The following KLC4 variants were observed in gnomAD, a reference collection of about 807,000 sequenced individuals.
KLC4 encodes the protein kinesin light chain 4.
In KLC4, 49 loss-of-function variants were observed where a neutral mutation model predicts 77.2. The observed-to-expected ratio is 0.63, with a 90% CI of 0.50 to 0.80. KLC4 has a LOEUF of 0.80. KLC4 is among the 30% of genes least tolerant of loss of function. KLC4 has a pLI of 0.00. For synonymous variants in KLC4, 274 were observed against 314.5 expected (o/e 0.87, Z 1.36); for missense variants, 669 against 793.5 (o/e 0.84, Z 1.89).
chr6:43,071,030 C>T (rs1464598655), intron 8 of KLC4, among the ~76,000 whole-genome samples, 165 bp downstream of exon 8: 1 of 151,920 alleles, frequency 6.6e-6, no homozygotes, highest in Non-Finnish European at 1.5e-5. Flanking sequence ...GCTGCCTTTG[C>T]GGATGAAGGA....
chr6:43,063,390 T>G (rs1023224692), intron 3 of KLC4, among the ~76,000 whole-genome samples: 5 of 152,218 alleles, frequency 3.3e-5, no homozygotes, highest in Non-Finnish European at 7.3e-5. Context: ...TGCACTGCAC[T>G]GGTGAATGGG....
At chr6:43,068,394 A>G (rs1451792790) in intron 6 of KLC4, among the ~76,000 whole-genome samples, 1 of 151,586 alleles carries the variant, frequency 6.6e-6, no homozygotes, top group African/African-American at 2.4e-5. Flanking sequence ...ATCACTCGAA[A>G]CCAGAAGGTG....
rs546498971 is a variant in KLC4, at chr6:43,065,354, G to A, written c.490-266G>A. ...CTCCCAAAGTGCTGGGATTACAGGC[G>A]TTAGCCACCACACCCGGCCAGGAAG... is the stretch of plus-strand genomic sequence containing the variant. On this transcript the variant is annotated intron_variant, in intron 3 of 15. Transcript: ENST00000347162. The A allele has an allele frequency of 3.3e-4, 121 of 365,204 alleles. 2 individuals carry two copies. Among genetic ancestry groups the A allele is most frequent in the South Asian group, 2.1e-3 (60 of 29,062 alleles). The allele number at this position is 365,204 out of a possible 1,614,324, so 22.6% of individuals were successfully genotyped here.
intron 8 of KLC4, 54 bp downstream of exon 8, chr6:43,070,919 TGGGGGGAGG>T: frequency 1.4e-5 from 1 of 70,402 alleles, no homozygotes; most frequent in Non-Finnish European, 2.4e-5. Context: ...GGCACAGAGG[TGGGGGGAGG>T]GGGGGCAGGC....
intron 1 of KLC4, chr6:43,060,116 C>T: frequency 1.3e-6 from 2 of 1,573,920 alleles, no homozygotes; most frequent in Non-Finnish European, 1.7e-6. Context: ...CAGCAGACCT[C>T]CCATTCTTTC....
At chr6:43,063,659 T>C (rs1288323630) in intron 3 of KLC4, among the ~76,000 whole-genome samples, 1 of 151,844 alleles carries the variant, frequency 6.6e-6, no homozygotes, top group African/African-American at 2.4e-5. Context: ...GTTCAAGCAA[T>C]TCTCCTGCCT....
Position 43,064,563 on chromosome 6 carries a change from C to T in KLC4, c.490-1057C>T, listed in dbSNP as rs536706238. ...ACAAAAAAATAGAGGAAGCAGGATA[C>T]AGGGATGGGTAGGATATAGGTTGGA... On this transcript the variant is annotated intron_variant, in intron 3 of 15. Transcript: ENST00000347162. Among the ~76,000 whole-genome samples, 30 of 152,248 alleles carry T rather than the reference C, an allele frequency of 2.0e-4. No individual in the cohort carries two copies. In the South Asian group the frequency reaches 6.0e-3, roughly 30 times the overall value.
intron 11 of KLC4, 70 bp downstream of exon 11, chr6:43,071,992 G>C (rs1765753600): frequency 6.7e-6 from 10 of 1,498,412 alleles, no homozygotes; most frequent in Non-Finnish European, 9.2e-6. Flanking sequence ...CAGCCTCCCA[G>C]ACCTTTTCCC....
At chr6:43,063,273 T>C in intron 3 of KLC4, 126 bp downstream of exon 3, 1 of 690,736 alleles carries the variant, frequency 1.4e-6, no homozygotes, top group Non-Finnish European at 2.4e-6. Flanking sequence ...CCTGAAAGAA[T>C]TCCTTTTTCA....
At chr6:43,065,587 C>G in intron 3 of KLC4, 33 bp from the exon 4 acceptor site, 1 of 1,499,808 alleles carries the variant, frequency 6.7e-7, no homozygotes, top group Admixed American at 1.7e-5. Flanking sequence ...GTAGGGATAT[C>G]TTGGCCCTTA....
In KLC4 at chr6:43,070,872, G is replaced by A. The variant is rs752367503; in HGVS notation, c.1155+7G>A. 1.7e-5 allele frequency: 24 copies of A among 1,381,472 alleles called. 2 individuals carry two copies. The South Asian group carries it at 2.3e-4, about 13-fold the overall frequency. 85.6% of individuals were successfully genotyped at this position (1,381,472 alleles called of 1,614,324 possible). On this transcript the variant is annotated splice_region_variant and intron_variant, in intron 8 of 15. Transcript: ENST00000347162. ...CCGGACCAAGAACAACCTGGTATGG[G>A]AGGAGGGACAAAGTAGGTGGAAGAA... is the stretch of plus-strand genomic sequence containing the variant.
chr6:43,060,429 C>A, intron 1 of KLC4: 1 of 1,459,576 alleles, frequency 6.9e-7, no homozygotes, highest in Admixed American at 2.1e-5. Flanking sequence ...GGGTGTTTGT[C>A]CTGGGTGGGG....
chr6:43,066,932 G>C, intron 5 of KLC4, 64 bp from the exon 6 acceptor site: 2 of 1,570,760 alleles, frequency 1.3e-6, no homozygotes, highest in South Asian at 2.3e-5. Flanking sequence ...CCTTCCAAAG[G>C]GAAGGAGGGA....
chr6:43,074,546 G>A (rs944373230), intron 15 of KLC4, 76 bp from the exon 16 acceptor site: 23 of 1,199,830 alleles, frequency 1.9e-5, no homozygotes, highest in Middle Eastern at 1.9e-4. Context: ...TGTGACCATG[G>A]GATGGATGGA....
intron 4 of KLC4, among the ~76,000 whole-genome samples, chr6:43,066,000 G>A (rs960184735): frequency 7.9e-5 from 12 of 152,200 alleles, no homozygotes; most frequent in Admixed American, 7.2e-4. Flanking sequence ...CCTGAGACAG[G>A]GAGACCATGA....
intron 1 of KLC4, chr6:43,059,922 C>A: frequency 3.1e-6 from 4 of 1,273,410 alleles, no homozygotes; most frequent in Non-Finnish European, 4.0e-6. Flanking sequence ...TAGGCCTCCA[C>A]GTCCTCGCTG....
chr6:43,059,864 C>A lies in KLC4; in HGVS notation c.-26+179C>A. 5 of 1,196,938 alleles carry A rather than the reference C, an allele frequency of 4.2e-6. No individual in the cohort carries two copies. The South Asian group carries it at 1.1e-4, about 27-fold the overall frequency. The allele number at this position is 1,196,938 out of a possible 1,614,324, so 74.1% of individuals were successfully genotyped here. A position where few individuals can be genotyped will look rare whatever the true frequency, so the allele number is the denominator to read the frequency against. On this transcript the variant is annotated intron_variant, in intron 1 of 15. Coordinates refer to ENST00000347162, the MANE Select transcript of KLC4 (RefSeq NM_201521.3). ...GCGTCCAGACAGATAGACAGACGAC[C>A]TGCCCCGCCCCCTGCGCCACCGACT...
At chr6:43,060,332 C>T (rs768980280) in intron 1 of KLC4, 5 of 1,608,450 alleles carry the variant, frequency 3.1e-6, no homozygotes, top group Non-Finnish European at 4.2e-6. Context: ...ACAGTAGCTC[C>T]CTAGGCCTGC....
chr6:43,065,725 G>A, intron 4 of KLC4, 24 bp downstream of exon 4: 2 of 1,541,564 alleles, frequency 1.3e-6, no homozygotes, highest in Non-Finnish European at 1.8e-6. Context: ...TGGAATGGGA[G>A]GGTGAAAAGG....
Sources: allele counts gnomAD v4.1 joint callset (sites outside exome capture counted in the v4.1 genomes callset), GRCh38; gene constraint gnomAD v4.1.1; transcripts MANE v1.5; gene names NCBI Gene and HGNC (gene_info 2026-07-23, HGNC 2026-07-21).